FSTL5: variants seen among roughly 807,000 people sequenced by gnomAD.
FSTL5 encodes follistatin like 5.
A neutral mutation model predicts 89.1 loss-of-function variants in FSTL5; 62 were observed. That is an observed-to-expected ratio of 0.70 (90% CI 0.57 to 0.86). The LOEUF is 0.86. Ranked by LOEUF, FSTL5 falls within the 40% of genes least tolerant of loss-of-function variation. The probability of loss-of-function intolerance (pLI) is 0.00; values close to 1 mark genes in which losing one functional copy is unlikely to be tolerated. For synonymous variants in FSTL5, 383 were observed against 346.2 expected (o/e 1.11, Z -1.18); for missense variants, 1,057 against 1,001.6 (o/e 1.06, Z -0.75).
chr4:162,055,271 C>G (rs1738501398), intron 2 of FSTL5, among the ~76,000 whole-genome samples: 2 of 151,340 alleles, frequency 1.3e-5, no homozygotes, highest in African/African-American at 4.9e-5. Flanking sequence ...ATAATTAGTA[C>G]TATAATTCAA....
intron 2 of FSTL5, among the ~76,000 whole-genome samples, chr4:162,057,469 A>G (rs1738582878): frequency 6.6e-6 from 1 of 152,190 alleles, no homozygotes; most frequent in Non-Finnish European, 1.5e-5. Context: ...CTGTTTTTAT[A>G]TAGTTTTTGC....
chr4:161,726,060 C>T (rs1204586357), intron 6 of FSTL5, among the ~76,000 whole-genome samples: 1 of 151,984 alleles, frequency 6.6e-6, no homozygotes, highest in Admixed American at 6.6e-5. Flanking sequence ...TGGTGAGGAG[C>T]AGAATTAAAA....
intron 8 of FSTL5, among the ~76,000 whole-genome samples, chr4:161,581,842 T>A (rs1387525745): frequency 2.0e-5 from 3 of 152,228 alleles, no homozygotes; most frequent in African/African-American, 4.8e-5. Flanking sequence ...ATAGTTTCAC[T>A]GTGAATATGG....
chr4:161,652,542 G>A (rs1343399384), intron 7 of FSTL5, among the ~76,000 whole-genome samples: 2 of 152,114 alleles, frequency 1.3e-5, no homozygotes, highest in African/African-American at 2.4e-5. Context: ...ATGAGATCAT[G>A]AGGTAATATT....
chr4:161,874,102 T>A (rs1309315303), intron 4 of FSTL5, among the ~76,000 whole-genome samples: 1 of 152,128 alleles, frequency 6.6e-6, no homozygotes, highest in Non-Finnish European at 1.5e-5. Flanking sequence ...TATTTAAATA[T>A]ATTAGATGAT....
chr4:162,070,854 A>C (rs921560163), intron 2 of FSTL5, among the ~76,000 whole-genome samples: 14 of 151,798 alleles, frequency 9.2e-5, no homozygotes, highest in African/African-American at 2.9e-4. Context: ...TCAGGCATGC[A>C]AACTTGAGGA....
chr4:161,804,289 C>G (rs35130889), intron 4 of FSTL5, among the ~76,000 whole-genome samples: 79,528 of 151,804 alleles, frequency 0.52, 24,826 homozygotes, highest in Non-Finnish European at 0.7. Context: ...GCCTGTCTGC[C>G]ATGTAATATA....
At chr4:161,698,667 G>A (rs540913471) in intron 6 of FSTL5, among the ~76,000 whole-genome samples, 1 of 152,146 alleles carries the variant, frequency 6.6e-6, no homozygotes, top group Non-Finnish European at 1.5e-5. Flanking sequence ...AGTGGCTCAC[G>A]CCTGTAATCC....
At chr4:162,031,093 C>T (rs930621716) in intron 3 of FSTL5, among the ~76,000 whole-genome samples, 1 of 152,138 alleles carries the variant, frequency 6.6e-6, no homozygotes, top group Non-Finnish European at 1.5e-5. Context: ...GTAGGACTAT[C>T]TCATTTTTCT....
At chr4:161,499,978 T>G (rs752747136) in intron 12 of FSTL5, 38 bp downstream of exon 12, 17 of 1,192,046 alleles carry the variant, frequency 1.4e-5, no homozygotes, top group Non-Finnish European at 1.6e-5. Context: ...TAACAAAATT[T>G]CTGCATAAAA....
chr4:161,808,432 AC>A (rs1200138073), intron 4 of FSTL5, among the ~76,000 whole-genome samples: 1 of 152,142 alleles, frequency 6.6e-6, no homozygotes, highest in African/African-American at 2.4e-5. Context: ...CAGGAAAATA[AC>A]CCGTGTCCAT....
At chr4:161,987,495 TATAA>T (rs33917916) in intron 3 of FSTL5, among the ~76,000 whole-genome samples, 10,778 of 145,918 alleles carry the variant, frequency 0.074, 1,094 homozygotes, top group African/African-American at 0.23. Context: ...TACATACATA[TATAA>T]AAAATAAATT....
At chr4:161,874,938 T>C (rs1365027931) in intron 4 of FSTL5, among the ~76,000 whole-genome samples, 1 of 152,102 alleles carries the variant, frequency 6.6e-6, no homozygotes, top group South Asian at 2.1e-4. Flanking sequence ...CATACATATA[T>C]ACACACACAC....
intron 3 of FSTL5, among the ~76,000 whole-genome samples, chr4:161,926,224 A>G (rs571600279): frequency 1.3e-5 from 2 of 151,854 alleles, no homozygotes; most frequent in African/African-American, 4.8e-5. Context: ...CAGTCGGTCA[A>G]AAAAGGCTGC....
At chr4:161,897,635 T>C (rs945659234) in intron 4 of FSTL5, among the ~76,000 whole-genome samples, 28 of 151,650 alleles carry the variant, frequency 1.8e-4, no homozygotes, top group Non-Finnish European at 3.8e-4. Flanking sequence ...GAGAGTTTCA[T>C]TTACACACAA....
chr4:161,953,897 G>A (rs894965082), intron 3 of FSTL5, among the ~76,000 whole-genome samples: 3 of 151,456 alleles, frequency 2.0e-5, no homozygotes, highest in Admixed American at 2.0e-4. Context: ...ATTTGAAATT[G>A]GTTTTGCCAA....
chr4:161,677,813 T>C (rs891365948), intron 6 of FSTL5, among the ~76,000 whole-genome samples: 4 of 151,970 alleles, frequency 2.6e-5, no homozygotes, highest in African/African-American at 9.7e-5. Context: ...CTTATTTTGC[T>C]GTCTAACTAA....
intron 2 of FSTL5, 78 bp from the exon 3 acceptor site, chr4:162,033,736 G>T (rs1737626640): frequency 2.7e-6 from 2 of 754,100 alleles, no homozygotes; most frequent in Non-Finnish European, 2.1e-6. Flanking sequence ...TTTCACTATA[G>T]AAGTATCAAA....
At chr4:161,933,397 C>T (rs191397283) in intron 3 of FSTL5, among the ~76,000 whole-genome samples, 100 of 152,090 alleles carry the variant, frequency 6.6e-4, no homozygotes, top group African/African-American at 2.4e-3. Context: ...CACCTAAGCA[C>T]TGAAAAAGAT....
Sources: gnomAD v4.1 joint callset for allele counts (sites outside exome capture counted in the v4.1 genomes callset) on GRCh38, gnomAD v4.1.1 for gene constraint, MANE v1.5 for transcripts, NCBI Gene and HGNC (gene_info 2026-07-23, HGNC 2026-07-21) for gene names.